The following RAPGEF1 variants were observed in gnomAD, a reference collection of about 807,000 sequenced individuals.
The protein encoded by RAPGEF1 is Rap guanine nucleotide exchange factor 1.
RAPGEF1 carries 33 observed loss-of-function variants against 143.3 expected under a neutral mutation model. The observed-to-expected ratio is 0.23, with a 90% CI of 0.17 to 0.31. The LOEUF is 0.31. Among genes scored for constraint, RAPGEF1 ranks in the 10% least tolerant of loss-of-function variants. The pLI is 1.00. For synonymous variants in RAPGEF1, 629 were observed against 676.5 expected (o/e 0.93, Z 1.09); for missense variants, 1,199 against 1,645.4 (o/e 0.73, Z 4.69).
intron 12 of RAPGEF1, among the ~76,000 whole-genome samples, chr9:131,606,612 A>T (rs1957156704): frequency 6.6e-6 from 1 of 152,172 alleles, no homozygotes; most frequent in Non-Finnish European, 1.5e-5. Flanking sequence ...TGAAGTTTTA[A>T]ACTAACAAGA....
rs1175530003 is a variant in RAPGEF1 at position 131,621,273 on chromosome 9, G to C, written c.1905+523C>G. On this transcript the variant is annotated intron_variant, in intron 11 of 26. Transcript: ENST00000683357. The surrounding 1 kb of genome is among the most constrained non-coding windows in gnomAD (Gnocchi z 4.5). ...AGAGGAAGGTGCCATGTCTGAAACA[G>C]AGTGGCTCTGTTTAAAGCCATCCTC... Among the ~76,000 whole-genome samples the C allele has an allele frequency of 6.6e-6, 1 of 152,214 alleles. No individual in the cohort carries two copies. Among genetic ancestry groups the C allele is most frequent in the East Asian group, 1.9e-4 (1 of 5,186 alleles).
intron 4 of RAPGEF1, among the ~76,000 whole-genome samples, chr9:131,639,404 G>C (rs895380630): frequency 4.6e-5 from 7 of 150,680 alleles, no homozygotes; most frequent in Non-Finnish European, 1.0e-4. Flanking sequence ...GGCCTGTGAT[G>C]GTGGTGGGGA....
At chr9:131,623,453 C>T (rs7856123) in intron 10 of RAPGEF1, among the ~76,000 whole-genome samples, 3 of 152,278 alleles carry the variant, frequency 2.0e-5, no homozygotes, top group Admixed American at 2.0e-4. Flanking sequence ...ACCATCTCTG[C>T]CTGACTTTTC....
intron 1 of RAPGEF1, among the ~76,000 whole-genome samples, chr9:131,717,477 T>TA (rs1247727231): frequency 4.6e-5 from 7 of 151,934 alleles, no homozygotes; most frequent in Non-Finnish European, 1.0e-4. Context: ...GAAAATATCA[T>TA]AAAAAAGAAG....
chr9:131,666,293 CT>C (rs1327107050), intron 1 of RAPGEF1, among the ~76,000 whole-genome samples: 1 of 152,236 alleles, frequency 6.6e-6, no homozygotes, highest in Admixed American at 6.5e-5. Flanking sequence ...AAAGATTATA[CT>C]GTTCACCCTC....
At chr9:131,694,588 C>T (rs1257276281) in intron 1 of RAPGEF1, among the ~76,000 whole-genome samples, 1 of 152,114 alleles carries the variant, frequency 6.6e-6, no homozygotes, top group African/African-American at 2.4e-5. Context: ...TCCTTCAATA[C>T]CTACCAGGTC....
At chr9:131,684,064 G>A (rs192867877) in intron 1 of RAPGEF1, among the ~76,000 whole-genome samples, 1 of 152,208 alleles carries the variant, frequency 6.6e-6, no homozygotes, top group East Asian at 1.9e-4. Context: ...AGTGCCTCTG[G>A]TCTCAAACGC....
intron 12 of RAPGEF1, among the ~76,000 whole-genome samples, chr9:131,609,197 GAAC>G (rs1458593458): frequency 6.6e-6 from 1 of 152,104 alleles, no homozygotes; most frequent in African/African-American, 2.4e-5. Flanking sequence ...ATGAGGACGA[GAAC>G]AACTATTCCT....
rs1392957194 is a variant in RAPGEF1 at position 131,628,008 on chromosome 9, C to T, written c.1106G>A (p.Ser369Asn). Residue 369 changes from serine to asparagine, a missense_variant, in exon 9 of 27, where the codon AGC becomes AAC. By Grantham distance (46) the Ser-to-Asn change is conservative (BLOSUM62 1). This residue lies in a region of RAPGEF1 where 613 missense variants were observed against 710.9 expected (regional missense o/e 0.86). Coordinates refer to ENST00000683357, the MANE Select transcript of RAPGEF1 (RefSeq NM_001377935.1). The surrounding 1 kb of genome is among the most constrained non-coding windows in gnomAD (Gnocchi z 5.7). ...GGESPRLSPC[S>N]SIGKLSKSDE... ...TGACTTGCTGAGCTTGCCTATGCTG[C>T]TGCAGGGGGAGAGGCGGGGCGACTC... 1.3e-6 allele frequency: 2 copies of T among 1,596,074 alleles called. No individual in the cohort carries two copies. The highest frequency in any genetic ancestry group is 1.7e-6 in the Non-Finnish European group (2 of 1,171,634).
At chr9:131,663,159 G>C (rs1215659013) in intron 1 of RAPGEF1, among the ~76,000 whole-genome samples, 1 of 150,958 alleles carries the variant, frequency 6.6e-6, no homozygotes, top group East Asian at 1.9e-4. Context: ...ACTATGAAGC[G>C]AACGTCCACA....
chr9:131,699,406 G>A (rs576387008), intron 1 of RAPGEF1, among the ~76,000 whole-genome samples: 1 of 152,006 alleles, frequency 6.6e-6, no homozygotes, highest in African/African-American at 2.4e-5. Context: ...CACCATGCCT[G>A]GCTAATTTTG....
At chr9:131,674,461 ACAGGC>A (rs756893689) in intron 1 of RAPGEF1, among the ~76,000 whole-genome samples, 1 of 152,226 alleles carries the variant, frequency 6.6e-6, no homozygotes, top group Non-Finnish European at 1.5e-5. Context: ...TGTGTTATGA[ACAGGC>A]CCTGGTCCGG....
chr9:131,691,579 C>T (rs554405606), intron 1 of RAPGEF1, among the ~76,000 whole-genome samples: 1 of 152,210 alleles, frequency 6.6e-6, no homozygotes, highest in East Asian at 1.9e-4. Flanking sequence ...TTTCTCAATG[C>T]TTTTTGCAAG....
chr9:131,702,972 A>C (rs1275754168), intron 1 of RAPGEF1, among the ~76,000 whole-genome samples: 2 of 152,202 alleles, frequency 1.3e-5, no homozygotes, highest in Non-Finnish European at 2.9e-5. Context: ...CGCTCTGAAA[A>C]AGAATAATGG....
chr9:131,589,793 A>C, intron 19 of RAPGEF1, 93 bp downstream of exon 19: 2 of 1,206,586 alleles, frequency 1.7e-6, no homozygotes, highest in Non-Finnish European at 2.4e-6. Context: ...GGCAAGAGCC[A>C]GCTCTGCCCA....
chr9:131,604,221 C>T (rs1248767386), intron 13 of RAPGEF1, among the ~76,000 whole-genome samples, 168 bp from the exon 14 acceptor site: 1 of 152,340 alleles, frequency 6.6e-6, no homozygotes, highest in Admixed American at 6.5e-5. Context: ...AAGTCTCCTG[C>T]TGCTGCCCCT....
intron 25 of RAPGEF1, among the ~76,000 whole-genome samples, chr9:131,582,058 G>C (rs1390769160): frequency 6.6e-6 from 1 of 152,160 alleles, no homozygotes; most frequent in Non-Finnish European, 1.5e-5. Flanking sequence ...ACACTTGTTT[G>C]GTTTTGGTTA....
At chr9:131,672,483 C>T (rs529662072) in intron 1 of RAPGEF1, among the ~76,000 whole-genome samples, 2 of 152,306 alleles carry the variant, frequency 1.3e-5, no homozygotes, top group East Asian at 3.9e-4. Context: ...GAACTGGGGT[C>T]TCTGGGGAAG....
intron 25 of RAPGEF1, among the ~76,000 whole-genome samples, 167 bp from the exon 26 acceptor site, chr9:131,580,558 G>C (rs930616942): frequency 2.0e-5 from 3 of 152,182 alleles, no homozygotes; most frequent in African/African-American, 7.2e-5. Flanking sequence ...TCCCGCCTCA[G>C]CCTCTGGCCT....
Sources: gnomAD v4.1 joint callset for allele counts (sites outside exome capture counted in the v4.1 genomes callset) on GRCh38, gnomAD v4.1.1 for gene constraint, gnomAD v4.1.1 regional missense constraint, Gnocchi (gnomAD v3.1) non-coding constraint, MANE v1.5 for transcripts, NCBI Gene and HGNC (gene_info 2026-07-23, HGNC 2026-07-21) for gene names.